Variants in TEX11 observed in about 807,000 individuals in gnomAD.
The protein encoded by TEX11 is testis-expressed protein 11.
A neutral mutation model predicts 84.4 loss-of-function variants in TEX11; 7 were observed. That is an observed-to-expected ratio of 0.08 (90% CI 0.05 to 0.16). The LOEUF is 0.16. Among genes scored for constraint, TEX11 ranks in the 10% least tolerant of loss-of-function variants. TEX11 has a pLI of 1.00. For missense variants in TEX11, 551 were observed against 660.5 expected, an observed-to-expected ratio of 0.83 and a Z score of 1.82; for synonymous variants, 264 against 222.8, an observed-to-expected ratio of 1.18 and a Z score of -1.64.
intron 9 of TEX11, among the ~76,000 whole-genome samples, chrX:70,780,142 C>CA (rs1453749542): frequency 1.8e-5 from 2 of 110,333 alleles, no homozygotes; most frequent in Admixed American, 9.7e-5. Flanking sequence ...GGCATGGCTA[C>CA]ACATGCCTGT....
chrX:70,549,826 G>A (rs887315814), intron 28 of TEX11, among the ~76,000 whole-genome samples: 1 of 112,626 alleles, frequency 8.9e-6, no homozygotes, highest in Non-Finnish European at 1.9e-5. Flanking sequence ...GGGCCAGGGG[G>A]AAGTTGCTGC....
At chrX:70,858,813 G>A (rs1448071352) in intron 5 of TEX11, among the ~76,000 whole-genome samples, 4 of 111,450 alleles carry the variant, frequency 3.6e-5, no homozygotes, top group Admixed American at 9.5e-5. Flanking sequence ...CAAGGTGGGC[G>A]GATCACCTGA....
At chrX:70,606,918 G>T in intron 23 of TEX11, 41 bp downstream of exon 23, 1 of 935,966 alleles carries the variant, frequency 1.1e-6, no homozygotes, top group Non-Finnish European at 1.5e-6. Flanking sequence ...TTATAGCCTT[G>T]TTGTGGTCCA....
intron 7 of TEX11, among the ~76,000 whole-genome samples, chrX:70,851,223 G>C (rs1399504784): frequency 1.8e-5 from 2 of 112,095 alleles, no homozygotes; most frequent in African/African-American, 6.5e-5. Context: ...CAAGACAAGT[G>C]TGGTACCAGC....
chrX:70,602,413 AT>A (rs1477293015), intron 24 of TEX11, among the ~76,000 whole-genome samples: 2 of 104,853 alleles, frequency 1.9e-5, no homozygotes, highest in Non-Finnish European at 3.9e-5. Context: ...AAATCAATAA[AT>A]GTAATCCAGC....
At chrX:70,795,630 A>G (rs1481718264) in intron 9 of TEX11, among the ~76,000 whole-genome samples, 1 of 111,248 alleles carries the variant, frequency 9.0e-6, no homozygotes, top group Non-Finnish European at 1.9e-5. Context: ...CAGACAGTTC[A>G]ATACAGAAAA....
chrX:70,756,593 C>T (rs60098439), intron 9 of TEX11, among the ~76,000 whole-genome samples: 1,271 of 111,654 alleles, frequency 0.011, 22 homozygotes, highest in East Asian at 0.088. Flanking sequence ...AGGACATCTA[C>T]GCCAAAACCC....
At chrX:70,566,504 C>T (rs12390214) in intron 25 of TEX11, among the ~76,000 whole-genome samples, 22,289 of 109,623 alleles carry the variant, frequency 0.2, 1,793 homozygotes, top group African/African-American at 0.23. Flanking sequence ...GGAATGCTTC[C>T]GTTTTTGCCC....
intron 28 of TEX11, among the ~76,000 whole-genome samples, chrX:70,534,418 A>G (rs1603031556): frequency 1.8e-5 from 2 of 111,820 alleles, no homozygotes; most frequent in Admixed American, 1.9e-4. Context: ...CCAATGAGTT[A>G]GGGAACACTC....
At chrX:70,638,860 T>C (rs1040751802) in intron 17 of TEX11, among the ~76,000 whole-genome samples, 1 of 100,996 alleles carries the variant, frequency 9.9e-6, no homozygotes, top group African/African-American at 3.6e-5. Context: ...GAAAAAAAGA[T>C]AAGGCTCAAA....
At chrX:70,828,067 T>C (rs887810315) in intron 8 of TEX11, among the ~76,000 whole-genome samples, 16 of 111,767 alleles carry the variant, frequency 1.4e-4, no homozygotes, top group African/African-American at 4.9e-4. Flanking sequence ...ATTATTAGGC[T>C]TGGGGTCCAA....
intron 9 of TEX11, among the ~76,000 whole-genome samples, chrX:70,794,508 ACCCTGCCCCTCC>A (rs762632190): frequency 5.5e-5 from 6 of 109,601 alleles, no homozygotes; most frequent in Non-Finnish European, 9.5e-5. Context: ...GGGAGTGCCT[ACCCTGCCCCTCC>A]CCCAAGCCCA....
chrX:70,827,596 AG>A (rs2091354071), intron 8 of TEX11, among the ~76,000 whole-genome samples: 1 of 111,603 alleles, frequency 9.0e-6, no homozygotes, highest in African/African-American at 3.2e-5. Flanking sequence ...GTGGTGGCCT[AG>A]CAGAACACCC....
chrX:70,738,663 A>G (rs756237015), intron 11 of TEX11, among the ~76,000 whole-genome samples: 1 of 112,268 alleles, frequency 8.9e-6, no homozygotes, highest in Admixed American at 9.5e-5. Flanking sequence ...TATTTATTGC[A>G]GCACTATTTA....
At chrX:70,862,931 G>C (rs1338446117) in intron 4 of TEX11, among the ~76,000 whole-genome samples, 1 of 105,037 alleles carries the variant, frequency 9.5e-6, no homozygotes, top group Non-Finnish European at 1.9e-5. Context: ...AAAAAAAAAA[G>C]AAGAGGGGAA....
intron 28 of TEX11, among the ~76,000 whole-genome samples, chrX:70,550,312 G>T (rs2088196122): frequency 1.8e-5 from 2 of 111,873 alleles, no homozygotes; most frequent in Non-Finnish European, 3.8e-5. Context: ...TATTGGGAAA[G>T]CTCTCCAGGA....
At chrX:70,511,657 G>A in the TEX11 span, among the ~76,000 whole-genome samples, 1 of 101,495 alleles carries the variant, frequency 9.9e-6, no homozygotes, top group African/African-American at 3.7e-5. Context: ...GGAGGCTGAG[G>A]CAGGAGAATC....
chrX:70,717,743 A>G lies in TEX11; in HGVS notation c.1004+4875T>C, dbSNP rs1050160005. 2.7e-5 allele frequency among the ~76,000 whole-genome samples: 3 copies of G among 112,120 alleles called. 1 individual carries two copies. The highest frequency in any genetic ancestry group is 3.8e-5 in the Non-Finnish European group (2 of 53,280). On this transcript the variant is annotated intron_variant, in intron 13 of 29. Coordinates refer to ENST00000374333, the MANE Select transcript of TEX11 (RefSeq NM_031276.3). ...AAAATTACTAAAAGCATTGTCCATTATATAATGCAACTTCCTACACTGTCT... is the reference window on the plus strand; with the variant it reads ...AAAATTACTAAAAGCATTGTCCATTGTATAATGCAACTTCCTACACTGTCT...
At chrX:70,907,973 G>T (rs953224872) in intron 1 of TEX11, among the ~76,000 whole-genome samples, 163 bp from the exon 2 acceptor site, 12 of 111,540 alleles carry the variant, frequency 1.1e-4, no homozygotes, top group Non-Finnish European at 1.9e-5. Flanking sequence ...GCAGGGCCAG[G>T]CTGCCAAGTT....
Sources: allele counts gnomAD v4.1 joint callset (sites outside exome capture counted in the v4.1 genomes callset), GRCh38; gene constraint gnomAD v4.1.1; transcripts MANE v1.5; gene names NCBI Gene and HGNC (gene_info 2026-07-23, HGNC 2026-07-21).